Variants in UQCRH observed in about 807,000 individuals in gnomAD.
UQCRH encodes cytochrome b-c1 complex subunit 6, mitochondrial.
UQCRH carries 14 observed loss-of-function variants against 16.3 expected under a neutral mutation model. The observed-to-expected ratio is 0.86, with a 90% CI of 0.57 to 1.34. The LOEUF is 1.34. UQCRH is among the 40% of genes most tolerant of loss of function. The pLI, the probability that UQCRH is intolerant of heterozygous loss-of-function variation, is 0.00. For missense variants in UQCRH, 89 were observed against 111.9 expected (o/e 0.80, Z 0.92); for synonymous variants, 41 against 41.9 (o/e 0.98, Z 0.08).
intron 1 of UQCRH, among the ~76,000 whole-genome samples, chr1:46,305,563 G>A (rs556436817): frequency 6.6e-6 from 1 of 151,204 alleles, no homozygotes; most frequent in South Asian, 2.1e-4. Context: ...AACCATCCTG[G>A]CTAACATGGT....
chr1:46,314,070 C>T (rs550002753), intron 3 of UQCRH, among the ~76,000 whole-genome samples: 3 of 152,170 alleles, frequency 2.0e-5, no homozygotes, highest in South Asian at 2.1e-4. Flanking sequence ...GGATATTATT[C>T]AGCCTTAAAA....
Position 46,316,703 on chromosome 1 carries a change from G to C in UQCRH, c.*119G>C, listed in dbSNP as rs1354278004. 1 of 1,497,372 alleles carries C rather than the reference G, an allele frequency of 6.7e-7. No individual in the cohort carries two copies. The highest frequency in any genetic ancestry group is 9.1e-7 in the Non-Finnish European group (1 of 1,104,294). The allele number at this position is 1,497,372 out of a possible 1,614,324, so 92.8% of individuals were successfully genotyped here. A position where few individuals can be genotyped will look rare whatever the true frequency, so the allele number is the denominator to read the frequency against. On this transcript the variant is annotated 3_prime_UTR_variant, in exon 4 of 4. Transcript: ENST00000311672. The stretch of plus-strand genomic sequence containing the variant: ...ACTGTAAGTTCACATGAACCTCATG[G>C]GTTTGGCTTAGGCTGGTAGCTTCTA...
chr1:46,311,320 G>GGGAGGCGGAGGCGGAGGC lies in UQCRH; in HGVS notation c.243+1019_243+1036dup, dbSNP rs148292502. On this transcript the variant is annotated intron_variant, in intron 3 of 3. Coordinates refer to ENST00000311672, the MANE Select transcript of UQCRH (RefSeq NM_006004.4). The stretch of plus-strand genomic sequence containing the variant: ...CTCACGCCTGTAATCCCAGCACTTT[G>GGGAGGCGGAGGCGGAGGC]GGAGGCGGAGGCGGAGGCGGAGGCG... 2.3e-4 allele frequency among the ~76,000 whole-genome samples: 34 copies of GGGAGGCGGAGGCGGAGGC among 148,856 alleles called. 1 individual carries two copies. Among genetic ancestry groups the GGGAGGCGGAGGCGGAGGC allele is most frequent in the Admixed American group, 1.1e-3 (17 of 14,924 alleles).
At chr1:46,308,891 C>T (rs1661419350) in intron 1 of UQCRH, among the ~76,000 whole-genome samples, 1 of 152,182 alleles carries the variant, frequency 6.6e-6, no homozygotes, top group African/African-American at 2.4e-5. Context: ...TGCTCGCAGG[C>T]AAGTTTGCTG....
intron 3 of UQCRH, among the ~76,000 whole-genome samples, chr1:46,311,663 G>C (rs1305043417): frequency 1.3e-5 from 2 of 150,056 alleles, no homozygotes; most frequent in African/African-American, 4.9e-5. Context: ...CGCGATCTCG[G>C]CTCACTGCAA....
chr1:46,305,626 C>G (rs960168933), intron 1 of UQCRH, among the ~76,000 whole-genome samples: 1 of 151,496 alleles, frequency 6.6e-6, no homozygotes, highest in Non-Finnish European at 1.5e-5. Context: ...TGGCGGCGGG[C>G]GCCTGTAGTC....
chr1:46,307,350 T>C (rs1393948691), intron 1 of UQCRH, among the ~76,000 whole-genome samples: 1 of 152,132 alleles, frequency 6.6e-6, no homozygotes, highest in African/African-American at 2.4e-5. Flanking sequence ...CAGCCTGTTT[T>C]TAATTTTTTT....
chr1:46,315,302 G>C (rs1181504147), intron 3 of UQCRH, among the ~76,000 whole-genome samples: 8 of 152,134 alleles, frequency 5.3e-5, no homozygotes, highest in Non-Finnish European at 1.0e-4. Context: ...AAATTAGCCG[G>C]GCGTGGTGGC....
chr1:46,304,250 A>T (rs1256571538), intron 1 of UQCRH, among the ~76,000 whole-genome samples: 2 of 152,058 alleles, frequency 1.3e-5, no homozygotes, highest in African/African-American at 4.8e-5. Context: ...TTCTTTGAGG[A>T]AGGTGTGTGT....
intron 1 of UQCRH, among the ~76,000 whole-genome samples, chr1:46,304,169 G>A (rs1483143861): frequency 6.6e-6 from 1 of 152,142 alleles, no homozygotes. Context: ...AGACCGCCTT[G>A]CCCCAGCTCA....
intron 3 of UQCRH, 120 bp from the exon 4 acceptor site, chr1:46,316,432 G>A: frequency 7.5e-7 from 1 of 1,329,740 alleles, no homozygotes. Context: ...AGTGCTGCTT[G>A]CCTATGTGAG....
chr1:46,315,577 G>C (rs1442018221), intron 3 of UQCRH, among the ~76,000 whole-genome samples: 1 of 105,876 alleles, frequency 9.4e-6, no homozygotes, highest in Non-Finnish European at 1.8e-5. Context: ...CTGGGGGACA[G>C]AGCAAGACTG....
chr1:46,308,660 G>C (rs143409890), intron 1 of UQCRH, among the ~76,000 whole-genome samples: 6 of 152,132 alleles, frequency 3.9e-5, no homozygotes, highest in African/African-American at 1.2e-4. Flanking sequence ...AACATAATGA[G>C]ACCTTGTCTC....
In UQCRH at chr1:46,314,673, CAAAAA is replaced by C. The variant is rs200199978; in HGVS notation, c.244-1866_244-1862del. Reference sequence around the variant, plus strand: ...GGGCAACAAGAGCAAAACTCCGTCTCAAAAAAAAAAAAAAAAAGGAGGGAAACTCT... The same window carrying C: ...GGGCAACAAGAGCAAAACTCCGTCTCAAAAAAAAAAAAGGAGGGAAACTCT... On this transcript the variant is annotated intron_variant, in intron 3 of 3. Coordinates refer to ENST00000311672, the MANE Select transcript of UQCRH (RefSeq NM_006004.4). Among the ~76,000 whole-genome samples the C allele has an allele frequency of 2.5e-4, 15 of 59,102 alleles. No individual in the cohort carries two copies. The East Asian group carries it at 6.0e-3, about 24-fold the overall frequency. The allele number at this position is 59,102 out of a possible 152,430, so 38.8% of individuals were successfully genotyped here.
chr1:46,316,605 C>G lies in UQCRH; in HGVS notation c.*21C>G. ...AATAAATGTGTGGACTTAATTCACC[C>G]CAGTCTTCATCATCTGGGCATCAGA... is the stretch of plus-strand genomic sequence containing the variant. On this transcript the variant is annotated 3_prime_UTR_variant, in exon 4 of 4. Transcript: ENST00000311672. 1 of 1,611,754 alleles carries G rather than the reference C, an allele frequency of 6.2e-7. No homozygotes were observed. The highest frequency in any genetic ancestry group is 2.0e-4 in the Middle Eastern group (1 of 4,904).
In UQCRH at chr1:46,303,746, A is replaced by T; in HGVS notation, c.-21A>T. 6.2e-7 allele frequency: 1 copy of T among 1,614,108 alleles called. No homozygotes were observed. Among genetic ancestry groups the T allele is most frequent in the Non-Finnish European group, 8.5e-7 (1 of 1,180,006 alleles). On this transcript the variant is annotated 5_prime_UTR_variant, in exon 1 of 4. Coordinates refer to ENST00000311672, the MANE Select transcript of UQCRH (RefSeq NM_006004.4). ...GGTGCCGCTGTTGCTGCTCGTGTTGAATCTAGAACCGTAGCCAGACATGGG... is the reference window on the plus strand; with the variant it reads ...GGTGCCGCTGTTGCTGCTCGTGTTGTATCTAGAACCGTAGCCAGACATGGG...
Position 46,303,773 on chromosome 1 carries a change from C to A in UQCRH, c.7C>A (p.Leu3Met). The A allele has an allele frequency of 6.2e-7, 1 of 1,614,142 alleles. No individual in the cohort carries two copies. Among genetic ancestry groups the A allele is most frequent in the Non-Finnish European group, 8.5e-7 (1 of 1,180,020 alleles). Residue 3 changes from leucine to methionine, a missense_variant, in exon 1 of 4, where the codon CTG becomes ATG. Leu to Met is a conservative substitution (Grantham distance 15, BLOSUM62 2). Coordinates refer to ENST00000311672, the MANE Select transcript of UQCRH (RefSeq NM_006004.4). MG[L>M]EDEQKMLTES... The stretch of plus-strand genomic sequence containing the variant: ...TCTAGAACCGTAGCCAGACATGGGA[C>A]TGGAGGACGAGCAAAAGATGCTTAC...
intron 3 of UQCRH, among the ~76,000 whole-genome samples, chr1:46,310,669 T>G (rs1319809579): frequency 3.3e-5 from 5 of 152,296 alleles, no homozygotes; most frequent in African/African-American, 1.2e-4. Context: ...GGCCTTGTTA[T>G]GTTGCCCAGG....
intron 3 of UQCRH, 151 bp downstream of exon 3, chr1:46,310,467 C>A: frequency 8.3e-7 from 1 of 1,211,218 alleles, no homozygotes; most frequent in Non-Finnish European, 1.1e-6. Context: ...ATGTAAATAA[C>A]CTATTCTATT....
Sources: allele counts gnomAD v4.1 joint callset (sites outside exome capture counted in the v4.1 genomes callset), GRCh38; gene constraint gnomAD v4.1.1; transcripts MANE v1.5; gene names NCBI Gene and HGNC (gene_info 2026-07-23, HGNC 2026-07-21).